The following SLC25A21 variants were observed in gnomAD, a reference collection of about 807,000 sequenced individuals.
SLC25A21 encodes solute carrier family 25 member 21.
Under a neutral mutation model 43.8 loss-of-function variants are expected in SLC25A21, and 47 were observed. The ratio of observed to expected loss-of-function variants is 1.07; its 90% CI spans 0.85 to 1.37. SLC25A21 has a LOEUF of 1.37. SLC25A21 is among the 40% of genes most tolerant of loss of function. SLC25A21 has a pLI of 0.00. For synonymous variants in SLC25A21, 131 were observed against 121.3 expected (o/e 1.08, Z -0.52); for missense variants, 352 against 350.2 (o/e 1.00, Z -0.04).
intron 2 of SLC25A21, among the ~76,000 whole-genome samples, chr14:36,833,360 G>C (rs961204399): frequency 2.6e-5 from 4 of 152,196 alleles, no homozygotes; most frequent in Non-Finnish European, 5.9e-5. Flanking sequence ...GGGTAGAGGG[G>C]AAGTTCAACC....
At chr14:37,068,991 G>A (rs56167909) in intron 1 of SLC25A21, among the ~76,000 whole-genome samples, 11,819 of 151,742 alleles carry the variant, frequency 0.078, 1,491 homozygotes, top group African/African-American at 0.27. Flanking sequence ...TGGCTAACAC[G>A]GTGAAACCCC....
intron 1 of SLC25A21, among the ~76,000 whole-genome samples, chr14:36,898,882 T>C (rs1891324781): frequency 6.6e-6 from 1 of 152,314 alleles, no homozygotes; most frequent in South Asian, 2.1e-4. Context: ...ATGATGACTT[T>C]AATTAACAAA....
intron 1 of SLC25A21, among the ~76,000 whole-genome samples, chr14:37,146,195 T>C (rs1231014772): frequency 1.3e-5 from 2 of 152,316 alleles, no homozygotes; most frequent in East Asian, 3.9e-4. Flanking sequence ...TCGACAAATG[T>C]TTATTGAGTA....
chr14:37,090,654 A>G (rs1281783981), intron 1 of SLC25A21, among the ~76,000 whole-genome samples: 2 of 152,188 alleles, frequency 1.3e-5, no homozygotes, highest in African/African-American at 4.8e-5. Context: ...TAGCTTTCCA[A>G]AGATTAGGTA....
intron 1 of SLC25A21, among the ~76,000 whole-genome samples, chr14:37,042,161 T>G (rs1332813567): frequency 6.6e-6 from 1 of 152,200 alleles, no homozygotes; most frequent in African/African-American, 2.4e-5. Flanking sequence ...TATATGTTTT[T>G]AAAGCTGGCG....
intron 3 of SLC25A21, among the ~76,000 whole-genome samples, chr14:36,771,540 C>T (rs1594573145): frequency 6.6e-6 from 1 of 152,088 alleles, no homozygotes; most frequent in South Asian, 2.1e-4. Flanking sequence ...AGGACTCAGA[C>T]GCTCTTGTGC....
intron 1 of SLC25A21, among the ~76,000 whole-genome samples, chr14:36,964,037 A>T (rs1005113115): frequency 6.6e-5 from 10 of 152,196 alleles, no homozygotes; most frequent in African/African-American, 9.7e-5. Flanking sequence ...ATAATTTCCC[A>T]GTCTGAATCC....
At chr14:37,048,285 T>C (rs1182032165) in intron 1 of SLC25A21, among the ~76,000 whole-genome samples, 2 of 152,132 alleles carry the variant, frequency 1.3e-5, no homozygotes, top group Admixed American at 6.5e-5. Context: ...ACCCTACAAA[T>C]ACATATTCCT....
chr14:37,021,971 T>G (rs1030110555), intron 1 of SLC25A21, among the ~76,000 whole-genome samples: 3 of 151,930 alleles, frequency 2.0e-5, no homozygotes, highest in Non-Finnish European at 4.4e-5. Context: ...CTAGAGCATC[T>G]TGAAGAAATA....
At chr14:37,128,538 C>CTCTGTGTGTGTG (rs1555348857) in intron 1 of SLC25A21, among the ~76,000 whole-genome samples, 388 of 122,790 alleles carry the variant, frequency 3.2e-3, no homozygotes, top group Non-Finnish European at 4.8e-3. Flanking sequence ...CTCTCTCTCT[C>CTCTGTGTGTGTG]TGTGTGTGTG....
rs541318218 is a variant in SLC25A21 at position 36,866,916 on chromosome 14, T to C, written c.119+8040A>G. 3.9e-5 allele frequency among the ~76,000 whole-genome samples: 6 copies of C among 152,356 alleles called. 1 individual carries two copies. In the South Asian group the frequency reaches 1.0e-3, roughly 26 times the overall value. On this transcript the variant is annotated intron_variant, in intron 2 of 9. Coordinates refer to ENST00000331299, the MANE Select transcript of SLC25A21 (RefSeq NM_030631.4). ...AATGTTTTGAACCTATGAGGCTAAA[T>C]AGGATTTATTATTAGAATTAATTTT...
intron 1 of SLC25A21, among the ~76,000 whole-genome samples, chr14:37,143,589 C>CGTGTGTGTGTGTGTGTGTGTGTGTGT (rs10531936): frequency 2.7e-5 from 4 of 148,650 alleles, no homozygotes; most frequent in Middle Eastern, 3.4e-3. Flanking sequence ...TGTTCATTAG[C>CGTGTGTGTGTGTGTGTGTGTGTGTGT]GTGTGTGTGT....
At chr14:36,715,411 T>C (rs1375043007) in intron 6 of SLC25A21, among the ~76,000 whole-genome samples, 1 of 152,224 alleles carries the variant, frequency 6.6e-6, no homozygotes, top group Non-Finnish European at 1.5e-5. Flanking sequence ...TAAACTTATT[T>C]GATTATGGGG....
chr14:36,717,184 C>T lies in SLC25A21; in HGVS notation c.439-5702G>A, dbSNP rs140291597. On this transcript the variant is annotated intron_variant, in intron 6 of 9. Transcript: ENST00000331299. Reference sequence around the variant, plus strand: ...AATGAGGTCTTGAAGCATTTTCATACATTTGAAAAATTTAAAAATCATAGA... The same window carrying T: ...AATGAGGTCTTGAAGCATTTTCATATATTTGAAAAATTTAAAAATCATAGA... Among the ~76,000 whole-genome samples the T allele has an allele frequency of 1.9e-3, 294 of 152,258 alleles. 1 individual carries two copies. The highest frequency in any genetic ancestry group is 6.8e-3 in the African/African-American group (283 of 41,548).
intron 1 of SLC25A21, among the ~76,000 whole-genome samples, chr14:36,892,437 T>C (rs1212174450): frequency 6.6e-6 from 1 of 152,136 alleles, no homozygotes; most frequent in African/African-American, 2.4e-5. Context: ...AATGAAATGC[T>C]ATTAAGCCAT....
chr14:37,054,029 T>C (rs1352683911), intron 1 of SLC25A21, among the ~76,000 whole-genome samples: 1 of 152,246 alleles, frequency 6.6e-6, no homozygotes, highest in Non-Finnish European at 1.5e-5. Flanking sequence ...TTCTGCCTGA[T>C]ATGGTCTGGC....
At chr14:37,059,877 G>C (rs1961907431) in intron 1 of SLC25A21, among the ~76,000 whole-genome samples, 1 of 152,116 alleles carries the variant, frequency 6.6e-6, no homozygotes, top group Non-Finnish European at 1.5e-5. Context: ...CAACTAACAA[G>C]CTCCACTCCA....
chr14:37,163,297 TA>T lies in SLC25A21; in HGVS notation c.70+8983del, dbSNP rs1280634623. Among the ~76,000 whole-genome samples the T allele has an allele frequency of 4.1e-5, 6 of 148,080 alleles. No individual in the cohort carries two copies. In the East Asian group the frequency reaches 9.8e-4, roughly 24 times the overall value. ...CCTAAAACTTAAAGTATAATAATAATAAATAAATAAATAAATAAATAAAAAG... is the reference window on the plus strand; with the variant it reads ...CCTAAAACTTAAAGTATAATAATAATAATAAATAAATAAATAAATAAAAAG... On this transcript the variant is annotated intron_variant, in intron 1 of 9. Transcript: ENST00000331299.
chr14:36,761,143 T>C (rs1886141054), intron 3 of SLC25A21, among the ~76,000 whole-genome samples: 1 of 152,200 alleles, frequency 6.6e-6, no homozygotes, highest in African/African-American at 2.4e-5. Flanking sequence ...TCGTGAAAGG[T>C]TATCCGTGCC....
Sources: allele counts gnomAD v4.1 joint callset (sites outside exome capture counted in the v4.1 genomes callset), GRCh38; gene constraint gnomAD v4.1.1; transcripts MANE v1.5; gene names NCBI Gene and HGNC (gene_info 2026-07-23, HGNC 2026-07-21).